Variants in REDIC1 observed in about 807,000 individuals in gnomAD.
REDIC1 encodes regulator of DNA class I crossover intermediates 1.
the REDIC1 span, among the ~76,000 whole-genome samples, chr12:39,762,382 TA>T: frequency 2.5e-5 from 3 of 121,230 alleles, no homozygotes; most frequent in Non-Finnish European, 5.6e-5. Flanking sequence ...AGTTCCAGAT[TA>T]AAACAACTAT....
the REDIC1 span, among the ~76,000 whole-genome samples, chr12:39,870,779 G>A: frequency 6.6e-6 from 1 of 152,140 alleles, no homozygotes; most frequent in East Asian, 1.9e-4. Flanking sequence ...CCACTGCTTA[G>A]GCAAGAACAG....
At chr12:39,716,701 A>T in the REDIC1 span, 5 of 1,267,764 alleles carry the variant, frequency 3.9e-6, no homozygotes, top group Non-Finnish European at 5.6e-6. Context: ...TGGCATATGT[A>T]TGTTGTAGAT....
the REDIC1 span, among the ~76,000 whole-genome samples, chr12:39,727,663 TTCTGTGAAGAAAGTC>T: frequency 6.6e-6 from 1 of 151,904 alleles, no homozygotes; most frequent in Non-Finnish European, 1.5e-5. Context: ...GAAAGTCTAA[TTCTGTGAAGAAAGTC>T]TAATTCTGTG....
At chr12:39,712,423 C>CCTGTAT in the REDIC1 span, among the ~76,000 whole-genome samples, 188 of 113,046 alleles carry the variant, frequency 1.7e-3, 1 homozygote, top group Middle Eastern at 9.3e-3. Context: ...TATATACATA[C>CCTGTAT]GTATATATAC....
the REDIC1 span, among the ~76,000 whole-genome samples, chr12:39,652,190 A>T: frequency 3.3e-5 from 5 of 152,088 alleles, no homozygotes; most frequent in Non-Finnish European, 7.4e-5. Flanking sequence ...GCCTATTCCA[A>T]ATATACCTGC....
the REDIC1 span, among the ~76,000 whole-genome samples, chr12:39,864,527 C>G: frequency 1.3e-5 from 2 of 152,166 alleles, no homozygotes; most frequent in African/African-American, 4.8e-5. Context: ...AGAAACATCA[C>G]CAAGATTGTG....
At chr12:39,820,718 TA>T in the REDIC1 span, among the ~76,000 whole-genome samples, 3 of 370 alleles carry the variant, frequency 8.1e-3, no homozygotes, top group Admixed American at 0.029. Context: ...TTTTTAAATT[TA>T]TATATATATA....
At chr12:39,678,758 G>A in the REDIC1 span, among the ~76,000 whole-genome samples, 3 of 151,890 alleles carry the variant, frequency 2.0e-5, no homozygotes, top group African/African-American at 7.3e-5. Context: ...TCATGATCAA[G>A]TGAGTTTCAT....
the REDIC1 span, among the ~76,000 whole-genome samples, chr12:39,866,344 T>C: frequency 6.6e-6 from 1 of 152,214 alleles, no homozygotes; most frequent in Admixed American, 6.5e-5. Context: ...TAGCTAGCTT[T>C]GCTGTTTCCT....
At chr12:39,764,870 T>C in the REDIC1 span, 2 of 1,610,178 alleles carry the variant, frequency 1.2e-6, no homozygotes, top group Non-Finnish European at 1.7e-6. Flanking sequence ...TGAAAAATAA[T>C]GCAATATAAG....
At chr12:39,692,995 G>T in the REDIC1 span, among the ~76,000 whole-genome samples, 1 of 152,038 alleles carries the variant, frequency 6.6e-6, no homozygotes. Flanking sequence ...GCTCATTGTA[G>T]TTCTAATTTA....
the REDIC1 span, among the ~76,000 whole-genome samples, chr12:39,673,731 A>C: frequency 1.3e-5 from 2 of 152,182 alleles, no homozygotes; most frequent in South Asian, 4.1e-4. Flanking sequence ...ACTATCTGAA[A>C]CACGACCTCC....
the REDIC1 span, among the ~76,000 whole-genome samples, chr12:39,731,581 C>T: frequency 1.3e-5 from 2 of 152,302 alleles, no homozygotes; most frequent in Admixed American, 1.3e-4. Flanking sequence ...TATGTGGTGT[C>T]TGTCAACCCC....
the REDIC1 span, among the ~76,000 whole-genome samples, chr12:39,650,815 A>T: frequency 6.6e-6 from 1 of 152,280 alleles, no homozygotes; most frequent in Non-Finnish European, 1.5e-5. The surrounding 1 kb of genome is among the most constrained non-coding windows in gnomAD (Gnocchi z 4.3). Context: ...GCCTCAAGTG[A>T]TCTGCCCACC....
chr12:39,767,923 C>T, the REDIC1 span, among the ~76,000 whole-genome samples: 1 of 152,078 alleles, frequency 6.6e-6, no homozygotes, highest in African/African-American at 2.4e-5. Flanking sequence ...CTGAGGCTTC[C>T]CCAGCCCTGC....
the REDIC1 span, among the ~76,000 whole-genome samples, chr12:39,690,672 T>A: frequency 6.6e-6 from 1 of 152,082 alleles, no homozygotes; most frequent in East Asian, 1.9e-4. Flanking sequence ...ATAATAAAGG[T>A]TGAAAGCAAA....
chr12:39,773,783 T>TTGAG, the REDIC1 span, among the ~76,000 whole-genome samples: 9 of 152,220 alleles, frequency 5.9e-5, no homozygotes, highest in Non-Finnish European at 5.9e-5. Context: ...ACTTCATATA[T>TTGAG]TGAGTCCTAA....
chr12:39,758,259 T>C, the REDIC1 span: 1 of 151,872 alleles, frequency 6.6e-6, no homozygotes, highest in South Asian at 2.1e-4. Context: ...GGCACTAAAT[T>C]GACAGTTTAA....
the REDIC1 span, among the ~76,000 whole-genome samples, chr12:39,663,166 A>G: frequency 4.6e-5 from 7 of 151,878 alleles, no homozygotes; most frequent in Non-Finnish European, 8.8e-5. Context: ...CTCCTCTTCA[A>G]TATTTTGTGT....
Sources: allele counts gnomAD v4.1 joint callset (sites outside exome capture counted in the v4.1 genomes callset), GRCh38; gene constraint gnomAD v4.1.1; non-coding constraint Gnocchi (gnomAD v3.1); transcripts MANE v1.5; gene names NCBI Gene and HGNC (gene_info 2026-07-23, HGNC 2026-07-21).